ZFAND6: variants seen among roughly 807,000 people sequenced by gnomAD.
ZFAND6 encodes the protein zinc finger AN1-type containing 6.
Under a neutral mutation model 24.5 loss-of-function variants are expected in ZFAND6, and 12 were observed. The observed-to-expected ratio is 0.49, with a 90% CI of 0.31 to 0.79. ZFAND6 has a LOEUF of 0.79. ZFAND6 is among the 30% of genes least tolerant of loss of function. The pLI is 0.04. For missense variants in ZFAND6, 207 were observed against 245.9 expected (o/e 0.84, Z 1.06); for synonymous variants, 92 against 81.5 (o/e 1.13, Z -0.69).
intron 2 of ZFAND6, among the ~76,000 whole-genome samples, chr15:80,115,494 G>C (rs2039832125): frequency 6.6e-6 from 1 of 152,150 alleles, no homozygotes; most frequent in African/African-American, 2.4e-5. Flanking sequence ...TTGAATGCCA[G>C]ACTGATTGCC....
intron 1 of ZFAND6, among the ~76,000 whole-genome samples, chr15:80,080,413 T>C (rs1276853473): frequency 1.3e-5 from 2 of 152,234 alleles, no homozygotes; most frequent in Non-Finnish European, 2.9e-5. Flanking sequence ...ACCAAACCTA[T>C]ATTTGCTGTG....
chr15:80,074,839 T>A (rs1418974093), intron 1 of ZFAND6, among the ~76,000 whole-genome samples: 3 of 152,020 alleles, frequency 2.0e-5, no homozygotes, highest in Non-Finnish European at 2.9e-5. Flanking sequence ...AGTAACGTTC[T>A]AGAATAAACT....
rs149756891 is a variant in ZFAND6, at chr15:80,065,537, ATTTTTT to A, written c.-181+5748_-181+5753del. ...GGGCTTCAAATTAGTTTTGGTTTTG[ATTTTTT>A]TTTTTTTTTTTTTTTTTTTGGAGAC... is the stretch of plus-strand genomic sequence containing the variant. On this transcript the variant is annotated intron_variant, in intron 1 of 6. Transcript: ENST00000261749. Among the ~76,000 whole-genome samples, 1,916 of 76,580 alleles carry A rather than the reference ATTTTTT, an allele frequency of 0.025. 133 individuals are homozygous for A. In the East Asian group the frequency reaches 0.3, roughly 12 times the overall value. The allele number at this position is 76,580 out of a possible 152,430, so 50.2% of individuals were successfully genotyped here. A position where few individuals can be genotyped will look rare whatever the true frequency, so the allele number is the denominator to read the frequency against.
intron 5 of ZFAND6, among the ~76,000 whole-genome samples, chr15:80,124,249 C>T (rs189137370): frequency 2.6e-5 from 4 of 152,142 alleles, no homozygotes; most frequent in East Asian, 1.9e-4. Context: ...CTGGCTAACA[C>T]GGTGAAACCC....
intron 2 of ZFAND6, among the ~76,000 whole-genome samples, chr15:80,105,231 C>T (rs1378502848): frequency 6.6e-6 from 1 of 152,180 alleles, no homozygotes; most frequent in Non-Finnish European, 1.5e-5. Context: ...GTAATTGATA[C>T]ATCATTTTAT....
intron 2 of ZFAND6, among the ~76,000 whole-genome samples, chr15:80,113,770 GC>G (rs2039727564): frequency 2.4e-5 from 3 of 127,064 alleles, no homozygotes; most frequent in African/African-American, 8.9e-5. Flanking sequence ...TTAGAGTTTA[GC>G]TGGGAACAGA....
intron 1 of ZFAND6, among the ~76,000 whole-genome samples, chr15:80,096,306 T>C (rs1341043076): frequency 2.6e-5 from 4 of 152,222 alleles, no homozygotes; most frequent in Admixed American, 2.0e-4. Flanking sequence ...TTGCCCAAGA[T>C]TGGTACAGTT....
At position 80,104,536 on chromosome 15, in the gene ZFAND6, A is replaced by C. The variant is rs72738477; in HGVS notation, c.-18+5958A>C. Among the ~76,000 whole-genome samples the C allele has an allele frequency of 4.9e-3, 720 of 146,756 alleles. 6 individuals are homozygous for C. Among genetic ancestry groups the C allele is most frequent in the Middle Eastern group, 0.021 (6 of 286 alleles). On this transcript the variant is annotated intron_variant, in intron 2 of 6. Transcript: ENST00000261749. ...CCTGTCTCAAATCAGTCAGTCAGTC[A>C]ATCCATCCATCCATCCATCCATCCA...
intron 2 of ZFAND6, among the ~76,000 whole-genome samples, chr15:80,117,745 A>G (rs2142003657): frequency 6.6e-6 from 1 of 152,292 alleles, no homozygotes; most frequent in South Asian, 2.1e-4. Flanking sequence ...AGTAAAATTA[A>G]TAATTTTTAC....
intron 1 of ZFAND6, among the ~76,000 whole-genome samples, chr15:80,082,235 TATTA>T: frequency 6.6e-6 from 1 of 152,342 alleles, no homozygotes; most frequent in Middle Eastern, 3.4e-3. Context: ...GGGTTTGGAA[TATTA>T]ATTTAATTGC....
chr15:80,118,706 A>C (rs1163901812), intron 2 of ZFAND6, among the ~76,000 whole-genome samples: 1 of 152,162 alleles, frequency 6.6e-6, no homozygotes, highest in Non-Finnish European at 1.5e-5. Flanking sequence ...TGCTTGCCAA[A>C]ATCCCAAATT....
intron 1 of ZFAND6, among the ~76,000 whole-genome samples, chr15:80,097,291 C>T (rs957596533): frequency 6.6e-6 from 1 of 151,978 alleles, no homozygotes; most frequent in African/African-American, 2.4e-5. Flanking sequence ...TGAGCCACTG[C>T]GTCCGGCATG....
chr15:80,128,588 A>G (rs185598845), intron 5 of ZFAND6, among the ~76,000 whole-genome samples: 1 of 152,350 alleles, frequency 6.6e-6, no homozygotes, highest in East Asian at 1.9e-4. Context: ...TAAAAATAGT[A>G]CTATATCATC....
At chr15:80,066,786 A>G (rs2036667114) in intron 1 of ZFAND6, among the ~76,000 whole-genome samples, 1 of 151,016 alleles carries the variant, frequency 6.6e-6, no homozygotes, top group African/African-American at 2.4e-5. Flanking sequence ...AATCCCAGCT[A>G]CTCGGGAGGC....
At chr15:80,107,849 G>C (rs1249085991) in intron 2 of ZFAND6, among the ~76,000 whole-genome samples, 3 of 150,676 alleles carry the variant, frequency 2.0e-5, no homozygotes, top group Non-Finnish European at 4.4e-5. Context: ...AGAGGGGAAG[G>C]GAGGGGAGAA....
chr15:80,136,251 G>A (rs867148294), intron 6 of ZFAND6, among the ~76,000 whole-genome samples: 3 of 152,166 alleles, frequency 2.0e-5, no homozygotes, highest in African/African-American at 7.2e-5. Flanking sequence ...CAGATCACAA[G>A]GTCAGGAGAT....
In ZFAND6 at chr15:80,137,476, C is replaced by G; in HGVS notation, c.479-4C>G. ...CTCATGTATGTGTATTACTCCATTT[C>G]CAGGGTTTGAATGCCGGTGTGGAAA... On this transcript the variant is annotated splice_polypyrimidine_tract_variant and splice_region_variant and intron_variant, in intron 6 of 6. Coordinates refer to ENST00000261749, the MANE Select transcript of ZFAND6 (RefSeq NM_019006.4). The G allele has an allele frequency of 6.2e-7, 1 of 1,600,516 alleles. No individual in the cohort carries two copies. The highest frequency in any genetic ancestry group is 8.5e-7 in the Non-Finnish European group (1 of 1,176,246).
chr15:80,109,262 A>G (rs528265382), intron 2 of ZFAND6, among the ~76,000 whole-genome samples: 6 of 152,228 alleles, frequency 3.9e-5, no homozygotes, highest in Non-Finnish European at 8.8e-5. Context: ...TATTCAAAGC[A>G]TCAGTGAACA....
At chr15:80,120,149 A>G (rs1239261156) in intron 2 of ZFAND6, among the ~76,000 whole-genome samples, 179 bp from the exon 3 acceptor site, 1 of 152,152 alleles carries the variant, frequency 6.6e-6, no homozygotes, top group African/African-American at 2.4e-5. Flanking sequence ...AAAAAGTTCA[A>G]TGTGTGTCCT....
Sources: allele counts gnomAD v4.1 joint callset (sites outside exome capture counted in the v4.1 genomes callset), GRCh38; gene constraint gnomAD v4.1.1; transcripts MANE v1.5; gene names NCBI Gene and HGNC (gene_info 2026-07-23, HGNC 2026-07-21).